Variants in HDGF observed in about 807,000 individuals in gnomAD.
The protein encoded by HDGF is heparin binding growth factor.
A neutral mutation model predicts 30.0 loss-of-function variants in HDGF; 5 were observed. That is an observed-to-expected ratio of 0.17 (90% confidence interval 0.09 to 0.35). The LOEUF (loss-of-function observed/expected upper bound fraction) is 0.35, where lower values mean the gene tolerates loss of function less well. HDGF is among the 10% of genes least tolerant of loss of function. The pLI is 1.00. For synonymous variants in HDGF, 133 were observed against 112.7 expected (o/e 1.18, Z -1.14); for missense variants, 214 against 302.8 (o/e 0.71, Z 2.18).
chr1:156,752,353 T>C, upstream of HDGF: 1 of 1,551,682 alleles, frequency 6.4e-7, no homozygotes, highest in Non-Finnish European at 8.7e-7. Flanking sequence ...TTGGCCACCT[T>C]CCGGGTGCAT....
chr1:156,743,165 T>G lies in HDGF; in HGVS notation c.*284A>C. On this transcript the variant is annotated 3_prime_UTR_variant, in exon 6 of 6. Transcript: ENST00000357325. ...CAGGCCCCAGCAGAAGCCTGGAAAATAGCTCCAAGCGGAAGGAACACAGTG... is the reference window on the plus strand; with the variant it reads ...CAGGCCCCAGCAGAAGCCTGGAAAAGAGCTCCAAGCGGAAGGAACACAGTG... The G allele has an allele frequency of 2.7e-6, 1 of 370,620 alleles. No individual in the cohort carries two copies. Among genetic ancestry groups the G allele is most frequent in the Non-Finnish European group, 4.8e-6 (1 of 206,210 alleles). The allele number at this position is 370,620 out of a possible 1,614,324, so 23.0% of individuals were successfully genotyped here.
In HDGF at chr1:156,743,974, C is replaced by T. The variant is rs1032238366; in HGVS notation, c.490-96G>A. On this transcript the variant is annotated intron_variant, in intron 4 of 5. Transcript: ENST00000357325. ...CCGGGGCTCCTTCCCAGGCTGACAC[C>T]CACAGTCCTTCCCCAACCCTACTAG... is the stretch of plus-strand genomic sequence containing the variant. 1.6e-5 allele frequency: 18 copies of T among 1,101,044 alleles called. No individual in the cohort carries two copies. The African/African-American group carries it at 2.6e-4, about 16-fold the overall frequency. 68.2% of individuals were successfully genotyped at this position (1,101,044 alleles called of 1,614,324 possible). A position where few individuals can be genotyped will look rare whatever the true frequency, so the allele number is the denominator to read the frequency against.
intron 1 of HDGF, among the ~76,000 whole-genome samples, chr1:156,750,100 C>T (rs116462888): frequency 7.9e-5 from 12 of 152,226 alleles, no homozygotes; most frequent in South Asian, 2.1e-4. Flanking sequence ...GGGTACAGAG[C>T]GAGGAAGGGT....
upstream of HDGF, chr1:156,751,909 C>A: frequency 9.7e-6 from 10 of 1,027,878 alleles, no homozygotes; most frequent in Non-Finnish European, 1.4e-5. This position sits in a 1 kb window ranked among gnomAD's most constrained non-coding sequence, Gnocchi z 4.7. Context: ...GCATAAGGAG[C>A]CGATCGCCGA....
rs1352353353 is a variant in HDGF at position 156,743,654 on chromosome 1, C to T, written c.714G>A (p.Glu238=). 1.2e-6 allele frequency: 2 copies of T among 1,611,212 alleles called. No individual in the cohort carries two copies. The highest frequency in any genetic ancestry group is 3.3e-5 in the Admixed American group (2 of 59,960). ...AAGGGGTCAGGGGGCTCACTCACCTCTCATGATCTCTGATGCCTGGGGCCT... is the reference window on the plus strand; with the variant it reads ...AAGGGGTCAGGGGGCTCACTCACCTTTCATGATCTCTGATGCCTGGGGCCT... ...DAEAPGIRDH[E]SL Residue 238 remains glutamate (E), a splice_region_variant and synonymous_variant, in exon 5 of 6, where the codon GAG becomes GAA. Coordinates refer to ENST00000357325, the MANE Select transcript of HDGF (RefSeq NM_004494.3).
At chr1:156,757,737 G>C (rs12407769) in intron 2 of HDGF, among the ~76,000 whole-genome samples, 15,398 of 149,566 alleles carry the variant, frequency 0.1, 998 homozygotes, top group African/African-American at 0.18. Context: ...AGGTTGCAAC[G>C]AGCCAAGATC....
upstream of HDGF, chr1:156,752,238 G>C (rs1043493739): frequency 2.6e-6 from 4 of 1,551,696 alleles, no homozygotes; most frequent in Non-Finnish European, 3.5e-6. Flanking sequence ...CCGTATGGGG[G>C]GTGGCCCTGG....
chr1:156,759,269 C>T (rs1343947738), intron 1 of HDGF: 1 of 152,052 alleles, frequency 6.6e-6, no homozygotes, highest in African/African-American at 2.4e-5. Context: ...TCCATGTTAC[C>T]CCTCTCCCTT....
At chr1:156,756,089 A>G (rs1651150649), upstream of HDGF, among the ~76,000 whole-genome samples, 1 of 151,986 alleles carries the variant, frequency 6.6e-6, no homozygotes, top group Admixed American at 6.6e-5. Context: ...CATCTCTACT[A>G]AAAAATACAA....
intron 2 of HDGF, among the ~76,000 whole-genome samples, chr1:156,758,608 T>TAAAGAAAAAA (rs1553251126): frequency 1.1e-5 from 1 of 92,016 alleles, no homozygotes; most frequent in Non-Finnish European, 2.2e-5. Flanking sequence ...AAAAAATAAA[T>TAAAGAAAAAA]AAATAAATAA....
At chr1:156,747,976 C>T (rs1035314805) in intron 1 of HDGF, among the ~76,000 whole-genome samples, 6 of 152,078 alleles carry the variant, frequency 3.9e-5, no homozygotes, top group Non-Finnish European at 5.9e-5. Flanking sequence ...GGGGGAGAAA[C>T]AAAAGAACGA....
chr1:156,751,011 C>T lies in HDGF; in HGVS notation c.87+332G>A, dbSNP rs1391774992. 6.6e-6 allele frequency among the ~76,000 whole-genome samples: 1 copy of T among 151,592 alleles called. No homozygotes were observed. The highest frequency in any genetic ancestry group is 2.0e-4 in the East Asian group (1 of 5,126). The stretch of plus-strand genomic sequence containing the variant: ...ACACGACTGGCCCAAAGCCAGACTT[C>T]GCGCTCGAAACCTCTGGGAGTATGG... On this transcript the variant is annotated intron_variant, in intron 1 of 5. Coordinates refer to ENST00000357325, the MANE Select transcript of HDGF (RefSeq NM_004494.3). This position sits in a 1 kb window ranked among gnomAD's most constrained non-coding sequence, Gnocchi z 4.7.
In HDGF at chr1:156,751,446, C is replaced by T. The variant is rs1354801602; in HGVS notation, c.-17G>A. On this transcript the variant is annotated 5_prime_UTR_variant, in exon 1 of 6. Transcript: ENST00000357325. This position sits in a 1 kb window ranked among gnomAD's most constrained non-coding sequence, Gnocchi z 4.7. ...TCGCGACATGGCGGGGCTCCGGGCG[C>T]CCCGGGCTCCGCGCCGGGCCGGGAA... The T allele has an allele frequency of 1.4e-5, 22 of 1,536,434 alleles. No individual in the cohort carries two copies. The highest frequency in any genetic ancestry group is 1.8e-5 in the Non-Finnish European group (21 of 1,138,476).
intron 3 of HDGF, 134 bp downstream of exon 3, chr1:156,744,874 C>T (rs1650417184): frequency 9.3e-7 from 1 of 1,079,098 alleles, no homozygotes; most frequent in African/African-American, 1.6e-5. Context: ...GCCCCCTTCC[C>T]ACCACCCTGA....
chr1:156,764,311 C>G (rs1230919241), intron 1 of HDGF, among the ~76,000 whole-genome samples: 1 of 152,054 alleles, frequency 6.6e-6, no homozygotes, highest in Non-Finnish European at 1.5e-5. Context: ...TCACTGAAAC[C>G]TCCACCTCCC....
chr1:156,754,065 G>A (rs1008513912), upstream of HDGF, among the ~76,000 whole-genome samples: 6 of 151,688 alleles, frequency 4.0e-5, no homozygotes, highest in African/African-American at 9.7e-5. Context: ...ACAGGCACGC[G>A]TCACCACGCC....
upstream of HDGF, among the ~76,000 whole-genome samples, chr1:156,756,690 A>C (rs73002735): frequency 7.2e-3 from 1,099 of 152,120 alleles, 8 homozygotes; most frequent in African/African-American, 0.025. Context: ...ATTAGCTGTT[A>C]GTATTGTAGT....
At chr1:156,752,097 G>C (rs1651023443), upstream of HDGF, 2 of 1,551,350 alleles carry the variant, frequency 1.3e-6, no homozygotes, top group African/African-American at 2.7e-5. Context: ...CCTGCCCTCT[G>C]CTCCATCTCA....
chr1:156,759,353 C>G (rs531407537), intron 1 of HDGF: 32 of 152,200 alleles, frequency 2.1e-4, no homozygotes, highest in African/African-American at 7.5e-4. Flanking sequence ...AATTTTCAAG[C>G]AAATGCAGAG....
Sources: gnomAD v4.1 joint callset for allele counts (sites outside exome capture counted in the v4.1 genomes callset) on GRCh38, gnomAD v4.1.1 for gene constraint, Gnocchi (gnomAD v3.1) non-coding constraint, MANE v1.5 for transcripts, NCBI Gene and HGNC (gene_info 2026-07-23, HGNC 2026-07-21) for gene names.